Variants in SELENON observed in about 807,000 individuals in gnomAD.
SELENON encodes selenoprotein N.
A neutral mutation model predicts 59.5 loss-of-function variants in SELENON; 44 were observed. That is an observed-to-expected ratio of 0.74 (90% CI 0.58 to 0.95). The LOEUF is 0.95. Among genes scored for constraint, SELENON ranks in the 40% least tolerant of loss-of-function variants. SELENON has a pLI of 0.00. For missense variants in SELENON, 674 were observed against 721.4 expected (o/e 0.93, Z 0.75); for synonymous variants, 320 against 305.6 (o/e 1.05, Z -0.49).
intron 3 of SELENON, among the ~76,000 whole-genome samples, chr1:25,804,611 A>C (rs768929184): frequency 1.4e-4 from 20 of 141,342 alleles, no homozygotes; most frequent in Non-Finnish European, 2.6e-4. Context: ...CTGCCAGTCC[A>C]GCCCCTCCTA....
Position 25,811,917 on chromosome 1 carries a change from C to T in SELENON, c.1281+38C>T, listed in dbSNP as rs1435141065. ...AGGGGTGAAGGCCAGGGTCAGGCTG[C>T]ATGGGCAGAGGCTGGGAGCTGTGGA... is the stretch of plus-strand genomic sequence containing the variant. On this transcript the variant is annotated intron_variant, in intron 9 of 12. Transcript: ENST00000361547. 5 of 1,542,756 alleles carry T rather than the reference C, an allele frequency of 3.2e-6. No homozygotes were observed. In the Admixed American group the frequency reaches 9.8e-5, roughly 30 times the overall value.
In SELENON at chr1:25,805,124, G is replaced by A. The variant is rs376478982; in HGVS notation, c.404-18G>A. 35 of 1,612,560 alleles carry A rather than the reference G, an allele frequency of 2.2e-5. No individual in the cohort carries two copies. The highest frequency in any genetic ancestry group is 2.4e-5 in the Non-Finnish European group (28 of 1,179,966). On this transcript the variant is annotated intron_variant, in intron 3 of 12. Transcript: ENST00000361547. ...TGTAGCATAAGGGCAGTGCCTCTCC[G>A]ATGTCTGTGTCTCATAGGGTCAACT...
chr1:25,814,225 C>A, intron 12 of SELENON, 47 bp downstream of exon 11: 1 of 1,485,814 alleles, frequency 6.7e-7, no homozygotes, highest in Non-Finnish European at 9.3e-7. Flanking sequence ...ACCTCGGGGC[C>A]CCGGGAGCAA....
At position 25,815,986 on chromosome 1, in the gene SELENON, C is replaced by A; in HGVS notation, c.*268C>A. On this transcript the variant is annotated 3_prime_UTR_variant, in exon 13 of 13. Transcript: ENST00000361547. ...ATTTGGCTCTGGAAGCTGCTTGGCCCCCCCAGATCAGGGCCTGGGTGAACT... is the reference window on the plus strand; with the variant it reads ...ATTTGGCTCTGGAAGCTGCTTGGCCACCCCAGATCAGGGCCTGGGTGAACT... The A allele has an allele frequency of 2.0e-6, 1 of 495,482 alleles. No homozygotes were observed. Among genetic ancestry groups the A allele is most frequent in the Non-Finnish European group, 3.7e-6 (1 of 270,546 alleles). The allele number at this position is 495,482 out of a possible 1,614,324, so 30.7% of individuals were successfully genotyped here.
chr1:25,815,802 C>A lies in SELENON; in HGVS notation c.*84C>A. 1 of 1,399,584 alleles carries A rather than the reference C, an allele frequency of 7.1e-7. No individual in the cohort carries two copies. The allele number at this position is 1,399,584 out of a possible 1,614,324, so 86.7% of individuals were successfully genotyped here. A position where few individuals can be genotyped will look rare whatever the true frequency, so the allele number is the denominator to read the frequency against. On this transcript the variant is annotated 3_prime_UTR_variant, in exon 13 of 13. Coordinates refer to ENST00000361547, the MANE Select transcript of SELENON (RefSeq NM_020451.3). The stretch of plus-strand genomic sequence containing the variant: ...AGCCCATTTCAGACTGCAGATGCCG[C>A]CCACTCCCACCCCACTCCTAGGCTG...
intron 5 of SELENON, 61 bp downstream of exon 4, chr1:25,808,850 T>A: frequency 1.3e-6 from 2 of 1,596,944 alleles, no homozygotes; most frequent in East Asian, 2.2e-5. Flanking sequence ...TGGCCACCCC[T>A]CTGTCTGCGC....
At position 25,810,352 on chromosome 1, in the gene SELENON, C is replaced by T. The variant is rs555958357; in HGVS notation, c.1010+532C>T. 3.3e-5 allele frequency among the ~76,000 whole-genome samples: 5 copies of T among 152,374 alleles called. No homozygotes were observed. The South Asian group carries it at 1.0e-3, about 32-fold the overall frequency. ...GCTTCCGGGACGGTGCTACACCAGC[C>T]ACCTGCTTGCCTCACCTCCTCAGGG... On this transcript the variant is annotated intron_variant, in intron 7 of 12. Transcript: ENST00000361547.
chr1:25,808,824 C>T (rs781419476), intron 5 of SELENON, 35 bp downstream of exon 4: 9 of 1,611,946 alleles, frequency 5.6e-6, no homozygotes, highest in Admixed American at 3.3e-5. Context: ...GGGGCCCCTC[C>T]GCCCGAGCCC....
Position 25,805,278 on chromosome 1 carries a change from G to A in SELENON, c.537+3G>A, listed in dbSNP as rs1204749088. 1.2e-6 allele frequency: 2 copies of A among 1,614,052 alleles called. No individual in the cohort carries two copies. The highest frequency in any genetic ancestry group is 1.7e-6 in the Non-Finnish European group (2 of 1,180,022). On this transcript the variant is annotated splice_donor_region_variant and intron_variant, in intron 4 of 12. Coordinates refer to ENST00000361547, the MANE Select transcript of SELENON (RefSeq NM_020451.3). ...AGAGCAAAGATGGCTTCCTAGGGGT[G>A]AGTTGGGGACCACAGGCAGTGGGGT...
chr1:25,812,723 G>C lies in SELENON; in HGVS notation c.1318G>C (p.Ala440Pro). 6.2e-7 allele frequency: 1 copy of C among 1,613,178 alleles called. No individual in the cohort carries two copies. The highest frequency in any genetic ancestry group is 8.5e-7 in the Non-Finnish European group (1 of 1,179,868). ...GCCGTTCACTGAGGCCTTCGACCGA[G>C]CCAAGGCTGAGAACAAGCTGGTGCA... is the stretch of plus-strand genomic sequence containing the variant. Residue 440 changes from alanine to proline, a missense_variant, in exon 10 of 13, where the codon GCC (alanine) becomes CCC (proline). Transcript: ENST00000361547.
At position 25,812,556 on chromosome 1, in the gene SELENON, TACACACAAACAC is replaced by T. The variant is rs1195650090; in HGVS notation, c.1282-123_1282-112del. On this transcript the variant is annotated intron_variant, in intron 9 of 12. Coordinates refer to ENST00000361547, the MANE Select transcript of SELENON (RefSeq NM_020451.3). ...AGACATACACACAAATATATATGCC[TACACACAAACAC>T]ACACACACACACACACACACACACA... 1,679 of 527,758 alleles carry T rather than the reference TACACACAAACAC, an allele frequency of 3.2e-3. 3 individuals carry two copies. The highest frequency in any genetic ancestry group is 0.013 in the African/African-American group (509 of 40,326). The allele number at this position is 527,758 out of a possible 1,614,324, so 32.7% of individuals were successfully genotyped here.
In SELENON at chr1:25,805,034, C is replaced by T. The variant is rs1041901721; in HGVS notation, c.404-108C>T. The T allele has an allele frequency of 1.5e-5, 22 of 1,463,748 alleles. 1 individual carries two copies. The Middle Eastern group carries it at 7.2e-4, about 48-fold the overall frequency. The allele number at this position is 1,463,748 out of a possible 1,614,324, so 90.7% of individuals were successfully genotyped here. On this transcript the variant is annotated intron_variant, in intron 3 of 12. Coordinates refer to ENST00000361547, the MANE Select transcript of SELENON (RefSeq NM_020451.3). ...TTGGTGACTGTTAACACCCCAGCTA[C>T]CCCCACCCCCTGCCTGGCTCCGTTA... is the stretch of plus-strand genomic sequence containing the variant.
At chr1:25,801,928 T>A (rs2047863985) in intron 2 of SELENON, 1 of 215,140 alleles carries the variant, frequency 4.6e-6, no homozygotes, top group African/African-American at 2.4e-5. Flanking sequence ...CTCACAGGTT[T>A]CAGTAGAGAA....
At chr1:25,808,922 C>T in intron 5 of SELENON, 104 bp from the exon 5 acceptor site, 1 of 1,588,708 alleles carries the variant, frequency 6.3e-7, no homozygotes, top group Non-Finnish European at 8.6e-7. Context: ...CCTGCCCCCT[C>T]CCCATGGGGC....
chr1:25,803,240 A>C (rs770707542), intron 3 of SELENON, among the ~76,000 whole-genome samples: 24 of 152,254 alleles, frequency 1.6e-4, no homozygotes, highest in Non-Finnish European at 2.9e-4. Flanking sequence ...GAGTTCTCTC[A>C]TAATGACATG....
rs778551841 is a variant in SELENON at position 25,805,158 on chromosome 1, C to T, written c.420C>T (p.Ala140=). The change falls in exon 4 of 13, where the codon GCC becomes GCT. Residue 140 remains alanine (A), a synonymous_variant. Coordinates refer to ENST00000361547, the MANE Select transcript of SELENON (RefSeq NM_020451.3). ...GTCTCATAGGGTCAACTCCCGCGGC[C>T]AGCTGCGAGGAGGAGGAGTTGCCCC... 1 of 1,613,694 alleles carries T rather than the reference C, an allele frequency of 6.2e-7. No individual in the cohort carries two copies. The highest frequency in any genetic ancestry group is 1.1e-5 in the South Asian group (1 of 91,070).
At chr1:25,815,189 G>T (rs1281227218) in intron 12 of SELENON, among the ~76,000 whole-genome samples, 1 of 152,084 alleles carries the variant, frequency 6.6e-6, no homozygotes, top group African/African-American at 2.4e-5. Context: ...CATTGAATGT[G>T]AGGCTGCAGT....
chr1:25,802,017 G>C lies in SELENON; in HGVS notation c.303G>C (p.Gly101=). ...ACTTTTTTTTTTTTTTTGAGACAGG[G>C]TCTTGTTCTGTCACCCAGACTGGAG... Residue 101 remains glycine, a splice_region_variant and synonymous_variant, in exon 3 of 13, where the codon GGG becomes GGC. Transcript: ENST00000361547. 3.9e-6 allele frequency: 1 copy of C among 255,658 alleles called. No homozygotes were observed. The allele number at this position is 255,658 out of a possible 1,614,324, so 15.8% of individuals were successfully genotyped here.
At position 25,809,723 on chromosome 1, in the gene SELENON, C is replaced by G. The variant is rs1395473163; in HGVS notation, c.913C>G (p.Pro305Ala). The change falls in exon 7 of 13, where the codon CCC becomes GCC. Residue 305 changes from proline (P) to alanine (A), a missense_variant. By Grantham distance (27) the Pro-to-Ala change is conservative (BLOSUM62 -1). Coordinates refer to ENST00000361547, the MANE Select transcript of SELENON (RefSeq NM_020451.3). The stretch of plus-strand genomic sequence containing the variant: ...CCAGCTCAGTGAGCCGCCCGACTTC[C>G]CCTTTTGGTTCTCCCCTGCTCAGTT... 6.2e-7 allele frequency: 1 copy of G among 1,614,036 alleles called. No individual in the cohort carries two copies. The highest frequency in any genetic ancestry group is 8.5e-7 in the Non-Finnish European group (1 of 1,180,046).
Sources: allele counts gnomAD v4.1 joint callset (sites outside exome capture counted in the v4.1 genomes callset), GRCh38; gene constraint gnomAD v4.1.1; transcripts MANE v1.5; gene names NCBI Gene and HGNC (gene_info 2026-07-23, HGNC 2026-07-21).